WWOX: variants seen among roughly 807,000 people sequenced by gnomAD.
WWOX encodes WW domain-containing oxidoreductase.
A neutral mutation model predicts 46.2 loss-of-function variants in WWOX; 69 were observed. The ratio of observed to expected loss-of-function variants is 1.49; its 90% confidence interval spans 1.23 to 1.82. The LOEUF (loss-of-function observed/expected upper bound fraction) is 1.82. WWOX is among the 40% of genes most tolerant of loss of function. WWOX has a pLI of 0.00. For missense variants in WWOX, 919 were observed against 542.6 expected (o/e 1.69, Z -6.89); for synonymous variants, 359 against 202.6 (o/e 1.77, Z -6.56).
At chr16:78,572,215 C>G (rs924385102) in intron 8 of WWOX, among the ~76,000 whole-genome samples, 2 of 152,122 alleles carry the variant, frequency 1.3e-5, no homozygotes, top group African/African-American at 2.4e-5. Context: ...GTGGCACATT[C>G]CTGCATAGGA....
At chr16:78,971,290 C>G (rs1327698986) in intron 8 of WWOX, among the ~76,000 whole-genome samples, 1 of 151,632 alleles carries the variant, frequency 6.6e-6, no homozygotes, top group East Asian at 1.9e-4. Flanking sequence ...ATGGTGAAAT[C>G]CCATCTCTAC....
intron 8 of WWOX, among the ~76,000 whole-genome samples, chr16:78,992,545 T>C (rs2046909048): frequency 1.3e-5 from 2 of 152,202 alleles, no homozygotes; most frequent in South Asian, 4.1e-4. Context: ...GCAAGTGTTG[T>C]ATGGATGTGA....
At chr16:78,306,157 T>C (rs976048887) in intron 5 of WWOX, among the ~76,000 whole-genome samples, 1 of 152,120 alleles carries the variant, frequency 6.6e-6, no homozygotes, top group Admixed American at 6.5e-5. Flanking sequence ...TTAACTACAT[T>C]TATAGTGAAC....
At chr16:78,478,242 G>A (rs1312823398) in intron 8 of WWOX, among the ~76,000 whole-genome samples, 2 of 152,162 alleles carry the variant, frequency 1.3e-5, no homozygotes, top group East Asian at 3.8e-4. Context: ...ACAAAATACT[G>A]TATTTATGGC....
At chr16:78,548,475 AT>A (rs1057159803) in intron 8 of WWOX, among the ~76,000 whole-genome samples, 5 of 152,144 alleles carry the variant, frequency 3.3e-5, no homozygotes, top group African/African-American at 1.2e-4. Flanking sequence ...AGGGGGAGAC[AT>A]TTTTTTAAGT....
chr16:78,902,192 G>A (rs1297974394), intron 8 of WWOX, among the ~76,000 whole-genome samples: 1 of 152,174 alleles, frequency 6.6e-6, no homozygotes, highest in African/African-American at 2.4e-5. Context: ...TGATCCGGTG[G>A]TGTCTGAAAC....
intron 8 of WWOX, among the ~76,000 whole-genome samples, chr16:78,757,493 T>C (rs1374137082): frequency 1.3e-5 from 2 of 152,196 alleles, no homozygotes; most frequent in Non-Finnish European, 2.9e-5. Context: ...CCTGGCTGCA[T>C]GAGCTTGTTG....
At chr16:79,113,609 C>G (rs1379573211) in intron 8 of WWOX, among the ~76,000 whole-genome samples, 2 of 152,346 alleles carry the variant, frequency 1.3e-5, no homozygotes, top group South Asian at 4.1e-4. Flanking sequence ...AAGAAGGTCC[C>G]CAGCATAGCA....
chr16:79,188,314 G>A (rs1207765213), intron 8 of WWOX, among the ~76,000 whole-genome samples: 1 of 152,190 alleles, frequency 6.6e-6, no homozygotes, highest in Non-Finnish European at 1.5e-5. Context: ...CGTGTTTGTG[G>A]TTTTAGACAC....
chr16:79,184,431 C>T (rs937450290), intron 8 of WWOX, among the ~76,000 whole-genome samples: 3 of 152,170 alleles, frequency 2.0e-5, no homozygotes, highest in Admixed American at 6.5e-5. Flanking sequence ...AGGAAATTCA[C>T]CAGACCACCA....
intron 5 of WWOX, among the ~76,000 whole-genome samples, chr16:78,361,489 C>A (rs936458641): frequency 2.0e-5 from 3 of 152,158 alleles, no homozygotes; most frequent in African/African-American, 7.2e-5. Flanking sequence ...TTGGATCTTG[C>A]CTGCAGCAGT....
At chr16:78,645,406 C>G (rs1264027366) in intron 8 of WWOX, among the ~76,000 whole-genome samples, 1 of 152,128 alleles carries the variant, frequency 6.6e-6, no homozygotes, top group Non-Finnish European at 1.5e-5. Flanking sequence ...ATGGGTCTGT[C>G]TTAGTCCTTT....
intron 4 of WWOX, among the ~76,000 whole-genome samples, chr16:78,119,799 C>T (rs1445022040): frequency 2.6e-5 from 4 of 152,088 alleles, no homozygotes; most frequent in Non-Finnish European, 5.9e-5. Flanking sequence ...TAGATATTTT[C>T]AGTCTACTCT....
intron 8 of WWOX, among the ~76,000 whole-genome samples, chr16:79,005,791 T>G (rs9652679): frequency 0.11 from 16,399 of 152,210 alleles, 959 homozygotes; most frequent in Middle Eastern, 0.26. Context: ...AGGCCCTGGG[T>G]GGACATGCAT....
At chr16:79,157,128 A>G (rs776026185) in intron 8 of WWOX, among the ~76,000 whole-genome samples, 1 of 152,230 alleles carries the variant, frequency 6.6e-6, no homozygotes, top group Non-Finnish European at 1.5e-5. Flanking sequence ...AATATTCCTG[A>G]TGATACACTA....
At chr16:78,423,515 A>G (rs544819212) in intron 6 of WWOX, among the ~76,000 whole-genome samples, 15 of 152,270 alleles carry the variant, frequency 9.9e-5, no homozygotes, top group Non-Finnish European at 1.5e-5. Flanking sequence ...GTATACAATT[A>G]CTTTCTGAGA....
Position 78,520,068 on chromosome 16 carries a change from C to T in WWOX, c.1056+87316C>T, listed in dbSNP as rs1438224197. On this transcript the variant is annotated intron_variant, in intron 8 of 8. Transcript: ENST00000566780. The stretch of plus-strand genomic sequence containing the variant: ...CAGATGGAACTTATTGAGGGACATT[C>T]ACTTAGTTTCGAAAGGTTTCTCCCT... Among the ~76,000 whole-genome samples the T allele has an allele frequency of 2.0e-5, 3 of 152,184 alleles. No homozygotes were observed. The East Asian group carries it at 5.8e-4, about 29-fold the overall frequency.
intron 5 of WWOX, among the ~76,000 whole-genome samples, chr16:78,170,497 A>C (rs899078509): frequency 2.0e-5 from 3 of 152,320 alleles, no homozygotes; most frequent in Admixed American, 6.5e-5. Context: ...TACTTTTCTT[A>C]ACCTCTCCAA....
intron 8 of WWOX, among the ~76,000 whole-genome samples, chr16:78,775,350 C>T (rs928114379): frequency 3.3e-5 from 5 of 152,186 alleles, no homozygotes; most frequent in Non-Finnish European, 5.9e-5. Flanking sequence ...TCCCCACCCC[C>T]ACGAACATGT....
Sources: allele counts gnomAD v4.1 joint callset (sites outside exome capture counted in the v4.1 genomes callset), GRCh38; gene constraint gnomAD v4.1.1; transcripts MANE v1.5; gene names NCBI Gene and HGNC (gene_info 2026-07-23, HGNC 2026-07-21).